EYS: variants seen among roughly 807,000 people sequenced by gnomAD.
EYS encodes the protein protein eyes shut homolog.
EYS carries 250 observed loss-of-function variants against 282.1 expected under a neutral mutation model. The observed-to-expected ratio is 0.89, with a 90% confidence interval of 0.80 to 0.98. The LOEUF (loss-of-function observed/expected upper bound fraction) is 0.98, where lower values mean the gene tolerates loss of function less well. Ranked by LOEUF, EYS falls within the 50% of genes least tolerant of loss-of-function variation. EYS has a pLI of 0.00. For missense variants in EYS, 4,016 were observed against 3,709.0 expected (o/e 1.08, Z -2.15); for synonymous variants, 1,355 against 1,282.9 (o/e 1.06, Z -1.20).
rs564603861 is a variant in EYS, at chr6:64,452,764, T to A, written c.5645-13412A>T. On this transcript the variant is annotated intron_variant, in intron 26 of 42. Transcript: ENST00000503581. ...ACAAAAACAAGCAATGGGGAAACGA[T>A]CCCCTATTTAATAAATGGTGCTGGG... 3.0e-3 allele frequency among the ~76,000 whole-genome samples: 456 copies of A among 152,252 alleles called. 4 individuals carry two copies. The highest frequency in any genetic ancestry group is 0.01 in the African/African-American group (433 of 41,540).
At chr6:64,877,737 T>C (rs953561202) in intron 19 of EYS, among the ~76,000 whole-genome samples, 1 of 152,092 alleles carries the variant, frequency 6.6e-6, no homozygotes, top group African/African-American at 2.4e-5. Context: ...AGTGAGGAAA[T>C]GGATATTCAA....
intron 15 of EYS, among the ~76,000 whole-genome samples, chr6:64,928,416 A>G (rs1190278435): frequency 6.6e-6 from 1 of 152,110 alleles, no homozygotes; most frequent in Admixed American, 6.6e-5. Flanking sequence ...CACAAATACC[A>G]TAATCCTAAA....
intron 12 of EYS, among the ~76,000 whole-genome samples, chr6:65,173,644 T>C (rs1765162271): frequency 6.6e-6 from 1 of 151,024 alleles, no homozygotes; most frequent in Non-Finnish European, 1.5e-5. Flanking sequence ...ATCATTTTTC[T>C]TTTTATTTTA....
chr6:65,138,219 T>G (rs778768509), intron 12 of EYS, among the ~76,000 whole-genome samples: 2 of 152,114 alleles, frequency 1.3e-5, no homozygotes, highest in Non-Finnish European at 2.9e-5. Context: ...ATATCATTAG[T>G]AATCACAGAA....
At chr6:63,964,068 T>A (rs1562120250) in intron 35 of EYS, among the ~76,000 whole-genome samples, 1 of 152,216 alleles carries the variant, frequency 6.6e-6, no homozygotes, top group Non-Finnish European at 1.5e-5. Flanking sequence ...TTTGGGCCAG[T>A]ATAAAGAACA....
chr6:64,888,369 T>C (rs1356364077), intron 18 of EYS, among the ~76,000 whole-genome samples: 2 of 152,060 alleles, frequency 1.3e-5, no homozygotes. Context: ...AATGAACAAA[T>C]GTGCTGTAAT....
chr6:65,271,337 AG>A (rs550245469), intron 12 of EYS, among the ~76,000 whole-genome samples: 114 of 151,138 alleles, frequency 7.5e-4, no homozygotes, highest in Middle Eastern at 3.4e-3. Context: ...TCATGGCAAA[AG>A]ATCGATGTCT....
At chr6:65,051,747 C>T (rs148602983) in intron 13 of EYS, among the ~76,000 whole-genome samples, 24 of 151,544 alleles carry the variant, frequency 1.6e-4, no homozygotes, top group African/African-American at 4.6e-4. Context: ...AGACAAATAC[C>T]GCATGATCCC....
chr6:64,781,576 C>CAAAAAA (rs5876923), intron 22 of EYS, among the ~76,000 whole-genome samples: 2 of 87,740 alleles, frequency 2.3e-5, no homozygotes, highest in African/African-American at 9.6e-5. Context: ...GACTCCGTCT[C>CAAAAAA]AAAAAAAAAA....
intron 26 of EYS, among the ~76,000 whole-genome samples, chr6:64,538,470 A>G (rs1764597158): frequency 6.6e-6 from 1 of 152,184 alleles, no homozygotes; most frequent in Admixed American, 6.5e-5. Flanking sequence ...GTTATTCAAA[A>G]CCATATAGTG....
Position 63,806,241 on chromosome 6 carries a change from G to A in EYS, c.7360C>T (p.His2454Tyr), listed in dbSNP as rs981629158. 1 of 1,551,452 alleles carries A rather than the reference G, an allele frequency of 6.4e-7. No individual in the cohort carries two copies. The highest frequency in any genetic ancestry group is 1.4e-5 in the African/African-American group (1 of 73,034). Residue 2454 changes from histidine to tyrosine, a missense_variant, in exon 37 of 43, where the codon CAC becomes TAC. Coordinates refer to ENST00000503581, the MANE Select transcript of EYS (RefSeq NM_001142800.2). ...FHLKFQLANN[H>Y]SALQNNLIFF... ...ATCAAGTTATTTTGCAGTGCTGAGT[G>A]GTTGTTTGCCAGCTGAAACTTCAGG...
intron 29 of EYS, among the ~76,000 whole-genome samples, chr6:64,351,280 T>C (rs1022692303): frequency 9.9e-5 from 15 of 151,660 alleles, no homozygotes; most frequent in African/African-American, 3.6e-4. Context: ...TATTTCAGTC[T>C]ATGCAAGTTT....
chr6:65,491,678 A>T, intron 4 of EYS: 1 of 374,542 alleles, frequency 2.7e-6, no homozygotes, highest in Non-Finnish European at 5.2e-6. Context: ...TTAAATTAAC[A>T]GTATAATGCC....
At chr6:65,494,370 C>T (rs1582375219) in intron 4 of EYS, among the ~76,000 whole-genome samples, 4 of 152,064 alleles carry the variant, frequency 2.6e-5, no homozygotes, top group East Asian at 1.9e-4. Flanking sequence ...CTCCACCTCC[C>T]GGGTTCACCC....
intron 12 of EYS, among the ~76,000 whole-genome samples, chr6:65,058,450 C>A (rs1773479356): frequency 7.2e-6 from 1 of 138,540 alleles, no homozygotes; most frequent in Non-Finnish European, 1.7e-5. Flanking sequence ...TGAGCCTGGC[C>A]CTAAATGTTC....
chr6:65,157,846 C>A (rs566412416), intron 12 of EYS, among the ~76,000 whole-genome samples: 2 of 150,484 alleles, frequency 1.3e-5, no homozygotes, highest in Non-Finnish European at 3.0e-5. Flanking sequence ...AAATATAAAT[C>A]AAGTACCATT....
intron 31 of EYS, among the ~76,000 whole-genome samples, chr6:64,170,228 A>G (rs1764438404): frequency 1.3e-5 from 2 of 151,928 alleles, no homozygotes; most frequent in South Asian, 4.1e-4. Flanking sequence ...AGCCACTAAC[A>G]GAAAATAAAA....
intron 40 of EYS, among the ~76,000 whole-genome samples, chr6:63,776,914 C>T (rs934630717): frequency 2.6e-5 from 4 of 152,226 alleles, no homozygotes; most frequent in East Asian, 1.9e-4. Flanking sequence ...GTGAAGTAAA[C>T]GTGTGCTTCT....
intron 30 of EYS, among the ~76,000 whole-genome samples, chr6:64,234,302 C>G (rs1264813583): frequency 6.6e-6 from 1 of 151,992 alleles, no homozygotes; most frequent in Non-Finnish European, 1.5e-5. Flanking sequence ...ACACATACTT[C>G]ATTCCACTTT....
Sources: gnomAD v4.1 joint callset for allele counts (sites outside exome capture counted in the v4.1 genomes callset) on GRCh38, gnomAD v4.1.1 for gene constraint, MANE v1.5 for transcripts, NCBI Gene and HGNC (gene_info 2026-07-23, HGNC 2026-07-21) for gene names.